RANBP17: variants seen among roughly 807,000 people sequenced by gnomAD.
RANBP17 encodes the protein RAN binding protein 17.
Under a neutral mutation model 141.2 loss-of-function variants are expected in RANBP17, and 158 were observed. That is an observed-to-expected ratio of 1.12 (90% CI 0.98 to 1.28). RANBP17 has a LOEUF of 1.28. Among genes scored for constraint, RANBP17 ranks in the 50% most tolerant of loss-of-function variants. RANBP17 has a pLI of 0.00. For synonymous variants in RANBP17, 430 were observed against 450.0 expected (o/e 0.96, Z 0.56); for missense variants, 1,438 against 1,290.7 (o/e 1.11, Z -1.75).
At chr5:170,872,306 T>C (rs1767812056) in intron 1 of RANBP17, among the ~76,000 whole-genome samples, 1 of 152,220 alleles carries the variant, frequency 6.6e-6, no homozygotes, top group Admixed American at 6.5e-5. Flanking sequence ...ATGATTTGGC[T>C]GTCTGCTTGT....
chr5:171,260,797 T>G (rs1409799848), intron 24 of RANBP17, among the ~76,000 whole-genome samples: 5 of 151,954 alleles, frequency 3.3e-5, no homozygotes, highest in Non-Finnish European at 7.4e-5. Flanking sequence ...CCTCTAAGAT[T>G]AGTCATAGCA....
At position 171,293,885 on chromosome 5, in the gene RANBP17, G is replaced by A; in HGVS notation, c.2946G>A (p.Met982Ile). ...CTTTATGTGATTCTATCTTCTAGAT[G>A]ATGTCTGTCCTCATGAACACCATTG... ...MQQNPDVLQQ[M>I]MSVLMNTIVF... Residue 982 changes from methionine to isoleucine, a missense_variant and splice_region_variant, in exon 26 of 28, where the codon ATG (methionine) becomes ATA (isoleucine). Met to Ile is a conservative substitution (Grantham distance 10, BLOSUM62 1). Coordinates refer to ENST00000523189, the MANE Select transcript of RANBP17 (RefSeq NM_022897.5). 6.2e-7 allele frequency: 1 copy of A among 1,610,928 alleles called. No individual in the cohort carries two copies. Among genetic ancestry groups the A allele is most frequent in the Non-Finnish European group, 8.5e-7 (1 of 1,177,196 alleles).
At chr5:170,963,192 G>T (rs933438840) in intron 13 of RANBP17, among the ~76,000 whole-genome samples, 4 of 152,168 alleles carry the variant, frequency 2.6e-5, no homozygotes, top group Admixed American at 6.5e-5. Context: ...GTGAATCCTA[G>T]TATATATGAT....
intron 12 of RANBP17, among the ~76,000 whole-genome samples, chr5:170,951,362 C>T (rs1184851773): frequency 6.6e-6 from 1 of 151,852 alleles, no homozygotes; most frequent in Non-Finnish European, 1.5e-5. Context: ...TATGGTGTAT[C>T]AATAAAAATA....
At chr5:171,103,729 G>T (rs1011194787) in intron 14 of RANBP17, among the ~76,000 whole-genome samples, 3 of 152,198 alleles carry the variant, frequency 2.0e-5, no homozygotes, top group Non-Finnish European at 2.9e-5. Context: ...GGCCCTGGTG[G>T]TGTAGGCACC....
intron 14 of RANBP17, among the ~76,000 whole-genome samples, chr5:171,121,514 C>G (rs953377876): frequency 6.6e-6 from 1 of 152,212 alleles, no homozygotes; most frequent in African/African-American, 2.4e-5. Context: ...TTGGCTGATT[C>G]GCTGTTCTGC....
intron 16 of RANBP17, among the ~76,000 whole-genome samples, chr5:171,175,071 T>TA (rs1252856074): frequency 2.0e-5 from 3 of 152,100 alleles, no homozygotes; most frequent in Admixed American, 2.0e-4. Context: ...TGTCCCGTGT[T>TA]AGTTTGCTGA....
At chr5:171,204,241 G>A (rs1762452414) in intron 19 of RANBP17, among the ~76,000 whole-genome samples, 1 of 152,182 alleles carries the variant, frequency 6.6e-6, no homozygotes, top group Middle Eastern at 3.2e-3. Flanking sequence ...GTTAGACAGT[G>A]CAGAAACTGA....
At chr5:171,232,489 C>A (rs367933282) in intron 22 of RANBP17, among the ~76,000 whole-genome samples, 1 of 151,988 alleles carries the variant, frequency 6.6e-6, no homozygotes, top group Non-Finnish European at 1.5e-5. Context: ...AAAATAATTT[C>A]TTTTCTTTTT....
intron 24 of RANBP17, among the ~76,000 whole-genome samples, chr5:171,258,684 A>G (rs1330525938): frequency 6.6e-6 from 1 of 152,218 alleles, no homozygotes; most frequent in Non-Finnish European, 1.5e-5. Context: ...AGCCACATGC[A>G]GAAGAATGAA....
chr5:171,024,662 T>C (rs1781114028), intron 14 of RANBP17, among the ~76,000 whole-genome samples: 6 of 152,208 alleles, frequency 3.9e-5, no homozygotes, highest in Admixed American at 3.9e-4. Context: ...GCTTGTCTGA[T>C]ACCATGTTCT....
intron 25 of RANBP17, among the ~76,000 whole-genome samples, chr5:171,279,185 T>G (rs1173192588): frequency 1.3e-5 from 2 of 152,212 alleles, no homozygotes; most frequent in South Asian, 2.1e-4. Flanking sequence ...AGTTTGAAAT[T>G]CTTGGCCCCA....
chr5:171,189,867 A>G (rs901604439), intron 18 of RANBP17, among the ~76,000 whole-genome samples: 1 of 152,214 alleles, frequency 6.6e-6, no homozygotes, highest in Non-Finnish European at 1.5e-5. Flanking sequence ...TTGTGTGTTC[A>G]TTGTCATGGA....
At chr5:171,016,324 A>T (rs1780432186) in intron 14 of RANBP17, among the ~76,000 whole-genome samples, 1 of 151,928 alleles carries the variant, frequency 6.6e-6, no homozygotes, top group Non-Finnish European at 1.5e-5. Flanking sequence ...TTTTTTTGGA[A>T]AATTTTTCAA....
At chr5:171,064,728 G>C (rs2608084) in intron 14 of RANBP17, among the ~76,000 whole-genome samples, 101,574 of 151,478 alleles carry the variant, frequency 0.67, 34,287 homozygotes, top group South Asian at 0.89. Context: ...TCCATGTTGC[G>C]TAGGCTGGTG....
chr5:171,167,243 A>G lies in RANBP17; in HGVS notation c.1711-2887A>G, dbSNP rs572813116. ...GTAGGAAAACTTCCTTGTAGGACCC[A>G]TTGAATTAGAAAGCACATTTTTTAA... is the stretch of plus-strand genomic sequence containing the variant. On this transcript the variant is annotated intron_variant, in intron 14 of 27. Transcript: ENST00000523189. Among the ~76,000 whole-genome samples the G allele has an allele frequency of 1.4e-4, 22 of 152,320 alleles. 1 individual carries two copies. In the East Asian group the frequency reaches 4.2e-3, roughly 29 times the overall value.
At chr5:171,245,160 A>T (rs1419279306) in intron 24 of RANBP17, among the ~76,000 whole-genome samples, 1 of 152,044 alleles carries the variant, frequency 6.6e-6, no homozygotes, top group East Asian at 1.9e-4. Flanking sequence ...AGCTGTTTTA[A>T]GGTCCTTGTC....
rs1760987573 is a variant in RANBP17 at position 171,183,250 on chromosome 5, T to A, written c.1929+20T>A. The A allele has an allele frequency of 6.9e-6, 11 of 1,589,978 alleles. No individual in the cohort carries two copies. The East Asian group carries it at 2.5e-4, about 36-fold the overall frequency. ...CACACGGTAAGTCTTATTTCTTTAA[T>A]TAATGAATAACATTTTACGAATAGT... is the stretch of plus-strand genomic sequence containing the variant. On this transcript the variant is annotated intron_variant, in intron 17 of 27. Coordinates refer to ENST00000523189, the MANE Select transcript of RANBP17 (RefSeq NM_022897.5).
rs192199552 is a variant in RANBP17, at chr5:170,980,244, G to A, written c.1710+11867G>A. Among the ~76,000 whole-genome samples the A allele has an allele frequency of 7.2e-4, 109 of 152,312 alleles. 1 individual carries two copies. Among genetic ancestry groups the A allele is most frequent in the Non-Finnish European group, 1.2e-3 (80 of 68,018 alleles). On this transcript the variant is annotated intron_variant, in intron 14 of 27. Transcript: ENST00000523189. ...GGCATTCAGTTTTAAAAGGGAAACA[G>A]CATAAAAGTTTGGAAAATTTGTAGC...
Sources: gnomAD v4.1 joint callset for allele counts (sites outside exome capture counted in the v4.1 genomes callset) on GRCh38, gnomAD v4.1.1 for gene constraint, MANE v1.5 for transcripts, NCBI Gene and HGNC (gene_info 2026-07-23, HGNC 2026-07-21) for gene names.